The following BEAN1 variants were observed in gnomAD, a reference collection of about 807,000 sequenced individuals.
BEAN1 encodes the protein brain expressed associated with NEDD4 1, also known as protein BEAN1.
In BEAN1, 17 loss-of-function variants were observed where a neutral mutation model predicts 17.7. That is an observed-to-expected ratio of 0.96 (90% confidence interval 0.66 to 1.44). The LOEUF is 1.44. Ranked by LOEUF, BEAN1 falls within the 40% of genes most tolerant of loss-of-function variation. The probability of loss-of-function intolerance (pLI) is 0.00; values close to 1 mark genes in which losing one functional copy is unlikely to be tolerated. For synonymous variants in BEAN1, 142 were observed against 151.8 expected, an observed-to-expected ratio of 0.94 and a Z score of 0.47; for missense variants, 359 against 374.1, an observed-to-expected ratio of 0.96 and a Z score of 0.33.
At chr16:66,429,644 G>T (rs1045750517) in intron 1 of BEAN1, among the ~76,000 whole-genome samples, 2 of 152,122 alleles carry the variant, frequency 1.3e-5, no homozygotes, top group African/African-American at 2.4e-5. Flanking sequence ...CAGGCAAGAT[G>T]AGCTGCCACC....
At chr16:66,454,369 T>G (rs1962787568) in intron 2 of BEAN1, among the ~76,000 whole-genome samples, 1 of 152,232 alleles carries the variant, frequency 6.6e-6, no homozygotes, top group Non-Finnish European at 1.5e-5. Flanking sequence ...TATATCTTCT[T>G]TCAATTCTCC....
downstream of BEAN1, among the ~76,000 whole-genome samples, chr16:66,487,652 A>G (rs1228382607): frequency 2.0e-5 from 3 of 152,106 alleles, no homozygotes; most frequent in Admixed American, 1.3e-4. Flanking sequence ...GTGGCCTCTG[A>G]GCAACTAAGC....
chr16:66,479,722 T>C (rs1963912074), intron 4 of BEAN1, among the ~76,000 whole-genome samples: 1 of 152,062 alleles, frequency 6.6e-6, no homozygotes, highest in African/African-American at 2.4e-5. Flanking sequence ...TGGGGGGTCA[T>C]GGAGCCAGAA....
At chr16:66,450,376 G>C (rs1011267713) in intron 2 of BEAN1, among the ~76,000 whole-genome samples, 2 of 152,174 alleles carry the variant, frequency 1.3e-5, no homozygotes, top group African/African-American at 4.8e-5. Context: ...CTGTTTCTAA[G>C]TGTACTGCAA....
intron 1 of BEAN1, among the ~76,000 whole-genome samples, chr16:66,433,584 A>AAGCCAAT (rs67480666): frequency 0.11 from 17,336 of 152,156 alleles, 1,065 homozygotes; most frequent in Middle Eastern, 0.24. Context: ...ATAGCTGAGC[A>AAGCCAAT]ATCCTGCTTC....
chr16:66,465,567 C>T (rs559257113), intron 2 of BEAN1, among the ~76,000 whole-genome samples: 8 of 152,296 alleles, frequency 5.3e-5, no homozygotes, highest in South Asian at 4.1e-4. Flanking sequence ...GTATTAAGTA[C>T]ATTCACATTG....
chr16:66,431,607 T>A (rs897963376), intron 1 of BEAN1, among the ~76,000 whole-genome samples: 1 of 151,772 alleles, frequency 6.6e-6, no homozygotes, highest in Non-Finnish European at 1.5e-5. Context: ...TCCCTAGTTT[T>A]TTTTTTTCTT....
At chr16:66,476,962 CA>C (rs1963773256) in intron 3 of BEAN1, among the ~76,000 whole-genome samples, 1 of 152,220 alleles carries the variant, frequency 6.6e-6, no homozygotes, top group South Asian at 2.1e-4. Context: ...ACCTAAAGGG[CA>C]GTGAGTGTGG....
chr16:66,489,216 C>T (rs1351072482), intron 4 of BEAN1, among the ~76,000 whole-genome samples: 1 of 152,032 alleles, frequency 6.6e-6, no homozygotes, highest in Non-Finnish European at 1.5e-5. Flanking sequence ...AATACTTCTT[C>T]TTTTAAACCA....
chr16:66,483,418 C>T (rs1265942397), downstream of BEAN1: 1 of 153,406 alleles, frequency 6.5e-6, no homozygotes, highest in Non-Finnish European at 1.5e-5. Context: ...ACTTCAGAGA[C>T]TACACGTTTT....
chr16:66,469,912 A>G (rs1490616723), intron 3 of BEAN1, 47 bp downstream of exon 3: 4 of 1,517,692 alleles, frequency 2.6e-6, no homozygotes, highest in Non-Finnish European at 3.5e-6. Context: ...TCTGACTGGG[A>G]TTGCAACACA....
chr16:66,452,245 AG>A (rs1962698913), intron 2 of BEAN1, among the ~76,000 whole-genome samples: 1 of 152,216 alleles, frequency 6.6e-6, no homozygotes, highest in African/African-American at 2.4e-5. Context: ...CTATGCTAAT[AG>A]ATTTCCTGAT....
chr16:66,445,043 T>C (rs1271800208), intron 2 of BEAN1, among the ~76,000 whole-genome samples: 1 of 152,236 alleles, frequency 6.6e-6, no homozygotes, highest in Non-Finnish European at 1.5e-5. Flanking sequence ...CTGAAATCTT[T>C]CTGGGTGCCA....
chr16:66,485,360 C>T (rs1025542061), downstream of BEAN1: 1 of 349,446 alleles, frequency 2.9e-6, no homozygotes, highest in Non-Finnish European at 5.7e-6. Context: ...GTGTTGCATA[C>T]TCCAGTGCCA....
At chr16:66,487,789 A>C (rs561612134), downstream of BEAN1, among the ~76,000 whole-genome samples, 1 of 152,216 alleles carries the variant, frequency 6.6e-6, no homozygotes, top group Non-Finnish European at 1.5e-5. Flanking sequence ...CCCATGCCCC[A>C]TCAGCCCACC....
In BEAN1 at chr16:66,482,365, A is replaced by G. The variant is rs1025398097; in HGVS notation, c.*1440A>G. 3 of 157,902 alleles carry G rather than the reference A, an allele frequency of 1.9e-5. No homozygotes were observed. The highest frequency in any genetic ancestry group is 2.8e-5 in the Non-Finnish European group (2 of 71,548). The allele number at this position is 157,902 out of a possible 1,614,324, so 9.8% of individuals were successfully genotyped here. On this transcript the variant is annotated 3_prime_UTR_variant, in exon 5 of 5. Coordinates refer to ENST00000536005, the MANE Select transcript of BEAN1 (RefSeq NM_001178020.3). The stretch of plus-strand genomic sequence containing the variant: ...CTATTTAGTAATCTCTTTCTTAAGC[A>G]GAGGAGTGGCAAGGATGGCAATCTT...
intron 3 of BEAN1, among the ~76,000 whole-genome samples, chr16:66,472,005 C>T (rs975413430): frequency 6.6e-6 from 1 of 152,222 alleles, no homozygotes; most frequent in Non-Finnish European, 1.5e-5. Context: ...CCTTGCCCAG[C>T]TCCTCCCACT....
chr16:66,487,162 C>T (rs1964100893), downstream of BEAN1, among the ~76,000 whole-genome samples: 1 of 152,322 alleles, frequency 6.6e-6, no homozygotes, highest in Non-Finnish European at 1.5e-5. Context: ...TACACTCACC[C>T]ACAGTGCATG....
chr16:66,492,238 C>T (rs906805509), intron 4 of BEAN1, among the ~76,000 whole-genome samples: 2 of 151,822 alleles, frequency 1.3e-5, no homozygotes, highest in African/African-American at 2.4e-5. Flanking sequence ...GACGGGGTTT[C>T]ACCATGTTGG....
Sources: allele counts gnomAD v4.1 joint callset (sites outside exome capture counted in the v4.1 genomes callset), GRCh38; gene constraint gnomAD v4.1.1; transcripts MANE v1.5; gene names NCBI Gene and HGNC (gene_info 2026-07-23, HGNC 2026-07-21).